Variants in OC90 observed in about 807,000 individuals in gnomAD.
The protein encoded by OC90 is otoconin 90, also known as otoconin-90.
Under a neutral mutation model 47.3 loss-of-function variants are expected in OC90, and 46 were observed. That is an observed-to-expected ratio of 0.97 (90% CI 0.77 to 1.24). OC90 has a LOEUF of 1.24. OC90 is among the 50% of genes most tolerant of loss of function. The pLI, the probability that OC90 is intolerant of heterozygous loss-of-function variation, is 0.00. For missense variants in OC90, 688 were observed against 583.9 expected (o/e 1.18, Z -1.84); for synonymous variants, 271 against 219.5 (o/e 1.23, Z -2.07).
Position 132,024,392 on chromosome 8 carries a change from T to A in OC90, c.*89A>T. 9.2e-7 allele frequency: 1 copy of A among 1,092,700 alleles called. No homozygotes were observed. Among genetic ancestry groups the A allele is most frequent in the Non-Finnish European group, 1.3e-6 (1 of 774,636 alleles). 67.7% of individuals were successfully genotyped at this position (1,092,700 alleles called of 1,614,324 possible). A position where few individuals can be genotyped will look rare whatever the true frequency, so the allele number is the denominator to read the frequency against. On this transcript the variant is annotated 3_prime_UTR_variant, in exon 14 of 14. Coordinates refer to ENST00000254627, the MANE Select transcript of OC90 (RefSeq NM_001080399.3). ...CTGAGTTAAAGGAAGGGAAGAAGGC[T>A]CCAAGGGACAGAGGAGGCTGAGAGA...
chr8:132,053,339 T>C (rs1823241683), intron 2 of OC90, among the ~76,000 whole-genome samples: 1 of 152,220 alleles, frequency 6.6e-6, no homozygotes, highest in Admixed American at 6.5e-5. Context: ...TATTGATATA[T>C]GTATATACTT....
chr8:132,025,080 G>T (rs142621395), intron 13 of OC90, among the ~76,000 whole-genome samples: 1 of 152,348 alleles, frequency 6.6e-6, no homozygotes, highest in Non-Finnish European at 1.5e-5. Flanking sequence ...GGCTCCCATG[G>T]AATCCCACTT....
At chr8:132,057,070 G>A (rs554667832) in intron 1 of OC90, among the ~76,000 whole-genome samples, 2 of 152,324 alleles carry the variant, frequency 1.3e-5, no homozygotes, top group Admixed American at 1.3e-4. Flanking sequence ...TGAGGCTGTT[G>A]TGAAGACTGA....
intron 13 of OC90, among the ~76,000 whole-genome samples, chr8:132,028,545 A>AG (rs1491101648): frequency 1.1e-4 from 2 of 18,740 alleles, no homozygotes; most frequent in Non-Finnish European, 2.7e-4. Context: ...AAAGAAAGAA[A>AG]GAAAGAAAGA....
At chr8:132,041,293 T>C in intron 5 of OC90, 137 bp from the exon 6 acceptor site, 2 of 668,558 alleles carry the variant, frequency 3.0e-6, no homozygotes, top group South Asian at 3.7e-5. Flanking sequence ...TAAAATGAAG[T>C]TTTGCATAAC....
At chr8:132,038,173 C>T (rs948426345) in intron 8 of OC90, among the ~76,000 whole-genome samples, 8 of 152,176 alleles carry the variant, frequency 5.3e-5, no homozygotes, top group Non-Finnish European at 1.2e-4. Context: ...AAACCTGACT[C>T]CCATTTTTGG....
chr8:132,029,236 C>T, intron 12 of OC90, 57 bp from the exon 13 acceptor site: 1 of 1,345,792 alleles, frequency 7.4e-7, no homozygotes, highest in Non-Finnish European at 1.1e-6. Flanking sequence ...TAGGAACCCC[C>T]TCAAGCACAG....
rs532988448 is a variant in OC90 at position 132,054,524 on chromosome 8, T to C, written c.46+457A>G. Among the ~76,000 whole-genome samples the C allele has an allele frequency of 7.0e-4, 107 of 152,242 alleles. 1 individual carries two copies. The highest frequency in any genetic ancestry group is 3.4e-3 in the Middle Eastern group (1 of 294). ...CCTGCTACAGTGTCTGGCCCCAGAA[T>C]TGGCGAATATGTTGGGCAAGCAGTC... On this transcript the variant is annotated intron_variant, in intron 2 of 13. Coordinates refer to ENST00000254627, the MANE Select transcript of OC90 (RefSeq NM_001080399.3).
intron 12 of OC90, among the ~76,000 whole-genome samples, chr8:132,031,352 A>T (rs189840103): frequency 5.4e-4 from 83 of 152,348 alleles, no homozygotes; most frequent in African/African-American, 1.7e-3. Flanking sequence ...GAATGAATAC[A>T]TTAATAAGTG....
intron 2 of OC90, among the ~76,000 whole-genome samples, chr8:132,048,290 C>T (rs1304560416): frequency 1.3e-5 from 2 of 152,156 alleles, no homozygotes; most frequent in Non-Finnish European, 2.9e-5. Flanking sequence ...TAAGCCACCT[C>T]GCTTTAAAAA....
intron 3 of OC90, among the ~76,000 whole-genome samples, chr8:132,045,511 G>C (rs1823119448): frequency 6.6e-6 from 1 of 152,202 alleles, no homozygotes; most frequent in Non-Finnish European, 1.5e-5. Flanking sequence ...TCATTCTGAA[G>C]CTAAGATACA....
chr8:132,052,531 C>T (rs949671106), intron 2 of OC90, among the ~76,000 whole-genome samples: 1 of 152,204 alleles, frequency 6.6e-6, no homozygotes, highest in African/African-American at 2.4e-5. Flanking sequence ...TGTGCTTTCT[C>T]ACCCACACTC....
At chr8:132,028,563 A>AAAGAAAGAAAGGAAGGAAGGAAGG (rs1354516292) in intron 13 of OC90, among the ~76,000 whole-genome samples, 106 of 31,198 alleles carry the variant, frequency 3.4e-3, no homozygotes, top group South Asian at 9.7e-3. Context: ...AGAAAGAAAG[A>AAAGAAAGAAAGGAAGGAAGGAAGG]AAGGAAGGAA....
In OC90 at chr8:132,041,692, C is replaced by T; in HGVS notation, c.177G>A (p.Leu59=). The stretch of plus-strand genomic sequence containing the variant: ...CCTGCAGCCAGGTGAAGTGGGGGCC[C>T]AGGCAATCTGTGGGGGTGGGGGGCA... ...VESVAEIFDC[L]GPHFTWLQAV... Residue 59 remains leucine, a synonymous_variant, in exon 5 of 14, where the codon CTG becomes CTA. Coordinates refer to ENST00000254627, the MANE Select transcript of OC90 (RefSeq NM_001080399.3). The T allele has an allele frequency of 6.5e-7, 1 of 1,541,244 alleles. No individual in the cohort carries two copies. Among genetic ancestry groups the T allele is most frequent in the African/African-American group, 1.4e-5 (1 of 69,472 alleles).
At chr8:132,034,247 C>T (rs889228065) in intron 10 of OC90, among the ~76,000 whole-genome samples, 2 of 152,234 alleles carry the variant, frequency 1.3e-5, no homozygotes, top group African/African-American at 4.8e-5. Flanking sequence ...GGGCAAATCA[C>T]TTCACCTCTC....
chr8:132,041,702 GT>G lies in OC90; in HGVS notation c.170-4del. 1.3e-6 allele frequency: 2 copies of G among 1,519,254 alleles called. No homozygotes were observed. The highest frequency in any genetic ancestry group is 1.8e-6 in the Non-Finnish European group (2 of 1,102,006). The allele number at this position is 1,519,254 out of a possible 1,614,324, so 94.1% of individuals were successfully genotyped here. Reference sequence around the variant, plus strand: ...GGTGAAGTGGGGGCCCAGGCAATCTGTGGGGGTGGGGGGCAGGGCCTGATAA... The same window carrying G: ...GGTGAAGTGGGGGCCCAGGCAATCTGGGGGGTGGGGGGCAGGGCCTGATAA... On this transcript the variant is annotated splice_region_variant and splice_polypyrimidine_tract_variant and intron_variant, in intron 4 of 13. Coordinates refer to ENST00000254627, the MANE Select transcript of OC90 (RefSeq NM_001080399.3).
Position 132,032,981 on chromosome 8 carries a change from T to C in OC90, c.859+58A>G. ...GTGAAAAGGTGGCCTACGGTGATTG[T>C]TCACAGCCTCACCAAAAGATCCCAG... On this transcript the variant is annotated intron_variant, in intron 11 of 13. Transcript: ENST00000254627. 3 of 1,577,534 alleles carry C rather than the reference T, an allele frequency of 1.9e-6. No homozygotes were observed. In the East Asian group the frequency reaches 6.9e-5, roughly 36 times the overall value.
chr8:132,041,786 G>C (rs1009314854), intron 4 of OC90, 87 bp from the exon 5 acceptor site: 9 of 711,296 alleles, frequency 1.3e-5, no homozygotes. Flanking sequence ...TATACCTCAG[G>C]CTGATGGTGC....
At chr8:132,049,697 T>G (rs1005344517) in intron 2 of OC90, 2 of 415,226 alleles carry the variant, frequency 4.8e-6, no homozygotes. Flanking sequence ...GCCCTTTCCA[T>G]ATAATTTTTA....
Sources: allele counts gnomAD v4.1 joint callset (sites outside exome capture counted in the v4.1 genomes callset), GRCh38; gene constraint gnomAD v4.1.1; transcripts MANE v1.5; gene names NCBI Gene and HGNC (gene_info 2026-07-23, HGNC 2026-07-21).